IKZF1: variants seen among roughly 807,000 people sequenced by gnomAD.
IKZF1 encodes IKAROS family zinc finger 1, also known as DNA-binding protein Ikaros.
IKZF1 carries 10 observed loss-of-function variants against 51.7 expected under a neutral mutation model. That is an observed-to-expected ratio of 0.19 (90% confidence interval 0.12 to 0.33). The LOEUF is 0.33. Among genes scored for constraint, IKZF1 ranks in the 10% least tolerant of loss-of-function variants. The pLI, the probability that IKZF1 is intolerant of heterozygous loss-of-function variation, is 1.00. For synonymous variants in IKZF1, 280 were observed against 282.3 expected (o/e 0.99, Z 0.08); for missense variants, 484 against 707.5 (o/e 0.68, Z 3.58).
chr7:50,392,120 C>T (rs556684268), intron 7 of IKZF1, among the ~76,000 whole-genome samples: 9 of 152,328 alleles, frequency 5.9e-5, no homozygotes, highest in Non-Finnish European at 1.0e-4. Context: ...CTGTGGACAT[C>T]GCTCTTAGGG....
intron 3 of IKZF1, among the ~76,000 whole-genome samples, chr7:50,333,982 T>A (rs1048907531): frequency 2.0e-5 from 3 of 152,244 alleles, no homozygotes; most frequent in African/African-American, 7.2e-5. Context: ...TACAAAATGA[T>A]CTGCCCACCT....
intron 2 of IKZF1, among the ~76,000 whole-genome samples, chr7:50,325,251 A>T (rs1413360879): frequency 2.1e-5 from 2 of 96,148 alleles, no homozygotes; most frequent in African/African-American, 8.6e-5. Context: ...TTACCCCCAC[A>T]CCCACCCCCC....
Position 50,400,528 on chromosome 7 carries a change from T to G in IKZF1, c.1461T>G (p.Arg487=). ...TCCACATGGGCTGCCACGGCTTCCG[T>G]GATCCTTTTGAGTGCAACATGTGCG... ...YTIHMGCHGF[R]DPFECNMCGY... Residue 487 remains arginine, a synonymous_variant, in exon 8 of 8, where the codon CGT becomes CGG. Coordinates refer to ENST00000331340, the MANE Select transcript of IKZF1 (RefSeq NM_006060.6). This position sits in a 1 kb window ranked among gnomAD's most constrained non-coding sequence, Gnocchi z 5.4. 6.2e-7 allele frequency: 1 copy of G among 1,614,114 alleles called. No homozygotes were observed. The highest frequency in any genetic ancestry group is 1.1e-5 in the South Asian group (1 of 91,090).
intron 3 of IKZF1, among the ~76,000 whole-genome samples, chr7:50,346,983 A>G (rs1800540027): frequency 6.6e-6 from 1 of 152,210 alleles, no homozygotes; most frequent in South Asian, 2.1e-4. Context: ...CTGAGAACTC[A>G]TGAGTCAGTT....
chr7:50,333,768 C>G (rs922040911), intron 3 of IKZF1, among the ~76,000 whole-genome samples: 5 of 152,114 alleles, frequency 3.3e-5, no homozygotes, highest in African/African-American at 4.8e-5. Context: ...TAGTTCCTTT[C>G]CCCCTTCATA....
rs78889803 is a variant in IKZF1 at position 50,391,707 on chromosome 7, G to A, written c.716-22G>A. On this transcript the variant is annotated intron_variant, in intron 6 of 7. Coordinates refer to ENST00000331340, the MANE Select transcript of IKZF1 (RefSeq NM_006060.6). ...TTTAAACATAAGCCTTTCTAAACTG[G>A]CCTCTCTGTCTTTGACTTTAGTCAT... 6,124 of 1,612,932 alleles carry A rather than the reference G, an allele frequency of 3.8e-3. 177 individuals are homozygous for A. The African/African-American group carries it at 0.068, about 18-fold the overall frequency.
At chr7:50,387,288 C>T in intron 5 of IKZF1, 57 bp from the exon 6 acceptor site, 1 of 1,582,988 alleles carries the variant, frequency 6.3e-7, no homozygotes, top group Non-Finnish European at 8.6e-7. Flanking sequence ...ATGCATTCCC[C>T]TTACACAGAA....
chr7:50,328,075 G>A (rs984665634), intron 3 of IKZF1: 36 of 236,726 alleles, frequency 1.5e-4, no homozygotes, highest in Non-Finnish European at 2.5e-4. Context: ...GTTATGGATT[G>A]TAGATCGTGA....
chr7:50,366,364 T>C (rs964785091), intron 3 of IKZF1, among the ~76,000 whole-genome samples: 3 of 152,238 alleles, frequency 2.0e-5, no homozygotes, highest in Admixed American at 6.5e-5. Context: ...TTTCAAGGCT[T>C]ACACTTTGAT....
chr7:50,361,919 G>A (rs1805375951), intron 3 of IKZF1, among the ~76,000 whole-genome samples: 1 of 152,092 alleles, frequency 6.6e-6, no homozygotes, highest in Non-Finnish European at 1.5e-5. Flanking sequence ...CCATCATTTT[G>A]AACCTGCTGT....
At position 50,391,448 on chromosome 7, in the gene IKZF1, C is replaced by A. The variant is rs551881104; in HGVS notation, c.716-281C>A. Among the ~76,000 whole-genome samples the A allele has an allele frequency of 1.1e-4, 17 of 152,324 alleles. No individual in the cohort carries two copies. In the East Asian group the frequency reaches 3.3e-3, roughly 29 times the overall value. ...AGGGACATCAATACTTAATCCCAGT[C>A]CAGCCTCTGGTGATGGTGGTGGTGC... On this transcript the variant is annotated intron_variant, in intron 6 of 7. Transcript: ENST00000331340.
At chr7:50,327,501 A>G (rs1258054558) in intron 2 of IKZF1, 137 bp from the exon 3 acceptor site, 20 of 945,852 alleles carry the variant, frequency 2.1e-5, no homozygotes, top group Non-Finnish European at 3.1e-5. Flanking sequence ...AGAAAAAGGT[A>G]TATGCATCCC....
At chr7:50,382,432 A>G in intron 4 of IKZF1, 108 bp from the exon 5 acceptor site, 2 of 1,415,748 alleles carry the variant, frequency 1.4e-6, no homozygotes, top group Non-Finnish European at 1.9e-6. Flanking sequence ...TCAAACCTGC[A>G]GCCGGTGGAA....
At chr7:50,318,922 GA>G in intron 1 of IKZF1, 125 bp from the exon 2 acceptor site, 1 of 603,952 alleles carries the variant, frequency 1.7e-6, no homozygotes. Context: ...ATGTGAGGAG[GA>G]AAATGCATTA....
chr7:50,346,939 G>A (rs570339363), intron 3 of IKZF1, among the ~76,000 whole-genome samples: 4 of 152,226 alleles, frequency 2.6e-5, no homozygotes, highest in South Asian at 2.1e-4. Context: ...AATTGTGTTC[G>A]ATCTTTGCAG....
chr7:50,311,131 T>C (rs961385138), intron 1 of IKZF1, among the ~76,000 whole-genome samples: 4 of 152,096 alleles, frequency 2.6e-5, no homozygotes, highest in African/African-American at 9.7e-5. Flanking sequence ...TTGGGGAAAA[T>C]TTCCAATTAG....
intron 7 of IKZF1, 35 bp downstream of exon 7, chr7:50,391,898 A>G (rs1289838097): frequency 1.3e-6 from 2 of 1,589,036 alleles, no homozygotes. Context: ...CTTAAAAAAA[A>G]ACTATGTGGG....
intron 6 of IKZF1, among the ~76,000 whole-genome samples, chr7:50,387,755 G>A (rs550086148): frequency 6.6e-6 from 1 of 152,018 alleles, no homozygotes; most frequent in Non-Finnish European, 1.5e-5. Context: ...AAGTTTTGGG[G>A]TTGTTTTTTG....
chr7:50,323,423 T>G (rs1793970051), intron 2 of IKZF1, among the ~76,000 whole-genome samples: 1 of 152,210 alleles, frequency 6.6e-6, no homozygotes, highest in African/African-American at 2.4e-5. Flanking sequence ...ACCTCATGCA[T>G]TTAGGAGAGG....
Sources: allele counts gnomAD v4.1 joint callset (sites outside exome capture counted in the v4.1 genomes callset), GRCh38; gene constraint gnomAD v4.1.1; non-coding constraint Gnocchi (gnomAD v3.1); transcripts MANE v1.5; gene names NCBI Gene and HGNC (gene_info 2026-07-23, HGNC 2026-07-21).